SBF2: variants seen among roughly 807,000 people sequenced by gnomAD.
SBF2 encodes the protein SET binding factor 2, also known as myotubularin-related protein 13.
In SBF2, 112 loss-of-function variants were observed where a neutral mutation model predicts 225.2. That is an observed-to-expected ratio of 0.50 (90% CI 0.43 to 0.58). The LOEUF (loss-of-function observed/expected upper bound fraction) is 0.58. Among genes scored for constraint, SBF2 ranks in the 20% least tolerant of loss-of-function variants. SBF2 has a pLI of 0.00. For missense variants in SBF2, 1,996 were observed against 2,206.2 expected (o/e 0.90, Z 1.91); for synonymous variants, 763 against 773.3 (o/e 0.99, Z 0.22).
intron 1 of SBF2, among the ~76,000 whole-genome samples, chr11:10,236,496 G>A (rs1278374338): frequency 6.6e-6 from 1 of 152,102 alleles, no homozygotes; most frequent in Admixed American, 6.5e-5. Flanking sequence ...GTCTCACTCT[G>A]TTACCCAGGC....
At chr11:10,013,297 A>T (rs1948525195) in intron 6 of SBF2, among the ~76,000 whole-genome samples, 1 of 152,176 alleles carries the variant, frequency 6.6e-6, no homozygotes, top group African/African-American at 2.4e-5. Flanking sequence ...CTCCATCCCA[A>T]ATAAATTCCA....
chr11:9,786,311 G>A (rs1228694972), intron 36 of SBF2, among the ~76,000 whole-genome samples: 1 of 152,082 alleles, frequency 6.6e-6, no homozygotes, highest in Non-Finnish European at 1.5e-5. Flanking sequence ...TTTACTTCTA[G>A]GTTATAAATT....
Position 10,223,855 on chromosome 11 carries a change from C to G in SBF2, c.56-29868G>C, listed in dbSNP as rs190163729. 5.8e-4 allele frequency among the ~76,000 whole-genome samples: 89 copies of G among 152,142 alleles called. 1 individual carries two copies. The highest frequency in any genetic ancestry group is 2.0e-3 in the African/African-American group (81 of 41,506). On this transcript the variant is annotated intron_variant, in intron 1 of 39. Coordinates refer to ENST00000256190, the MANE Select transcript of SBF2 (RefSeq NM_030962.4). ...ATATGGTATTTTAAGGTATTTTAAG[C>G]AGATACTCGCAAGACTTGAGCTCAC...
chr11:9,920,942 T>C (rs1565004951), intron 16 of SBF2, among the ~76,000 whole-genome samples: 1 of 152,154 alleles, frequency 6.6e-6, no homozygotes, highest in Admixed American at 6.6e-5. Context: ...TTGCATACTT[T>C]GCCCTACTTC....
At chr11:10,253,118 C>CAAAAAAAAAA (rs546522229) in intron 1 of SBF2, among the ~76,000 whole-genome samples, 1 of 77,290 alleles carries the variant, frequency 1.3e-5, no homozygotes, top group Non-Finnish European at 2.5e-5. Context: ...AGGTAAATAC[C>CAAAAAAAAAA]AAAAAAAAAA....
At chr11:10,205,132 A>T (rs1358516775) in intron 1 of SBF2, among the ~76,000 whole-genome samples, 1 of 152,080 alleles carries the variant, frequency 6.6e-6, no homozygotes, top group Non-Finnish European at 1.5e-5. Flanking sequence ...CCTATTTAAC[A>T]AACCTACACG....
chr11:10,289,095 G>T (rs1963990651), intron 1 of SBF2, among the ~76,000 whole-genome samples: 1 of 152,222 alleles, frequency 6.6e-6, no homozygotes. Flanking sequence ...GAGGAGGCAG[G>T]GGCCCAGTGT....
chr11:10,100,586 A>G (rs1316113499), intron 2 of SBF2, among the ~76,000 whole-genome samples: 1 of 151,994 alleles, frequency 6.6e-6, no homozygotes, highest in East Asian at 1.9e-4. Context: ...GGCAGGGTAT[A>G]TGTCTGTAGC....
At chr11:10,026,048 G>C (rs1336448517) in intron 6 of SBF2, among the ~76,000 whole-genome samples, 2 of 149,380 alleles carry the variant, frequency 1.3e-5, no homozygotes, top group Admixed American at 6.6e-5. Flanking sequence ...TTTTTTTCCA[G>C]TGGGAATGCT....
At chr11:9,841,840 G>C (rs967337009) in intron 25 of SBF2, among the ~76,000 whole-genome samples, 3 of 152,172 alleles carry the variant, frequency 2.0e-5, no homozygotes, top group African/African-American at 7.2e-5. Flanking sequence ...GGCCCACATA[G>C]GTTCTTTATC....
chr11:9,998,290 A>T lies in SBF2; in HGVS notation c.951T>A (p.His317Gln). The T allele has an allele frequency of 6.3e-7, 1 of 1,598,292 alleles. No individual in the cohort carries two copies. The highest frequency in any genetic ancestry group is 2.2e-5 in the East Asian group (1 of 44,746). ...CCAAAGAAAGAGCTGATTGAGTCTG[A>T]TGTAGAAGTGGTTCTGGGAGGGAAG... ...HLSSLPEPLLHQTQSALSLIL... is the reference protein window; with the variant it reads ...HLSSLPEPLLQQTQSALSLIL... Residue 317 changes from histidine to glutamine, a missense_variant, in exon 9 of 40, where the codon CAT becomes CAA. By Grantham distance (24) the His-to-Gln change is conservative (BLOSUM62 0). Transcript: ENST00000256190.
At chr11:10,223,864 G>GC (rs1209849733) in intron 1 of SBF2, among the ~76,000 whole-genome samples, 84 of 152,128 alleles carry the variant, frequency 5.5e-4, no homozygotes, top group Admixed American at 2.6e-3. Flanking sequence ...GCAGATACTC[G>GC]CAAGACTTGA....
chr11:10,179,482 G>A (rs1334580508), intron 2 of SBF2, among the ~76,000 whole-genome samples: 4 of 152,096 alleles, frequency 2.6e-5, no homozygotes, highest in Non-Finnish European at 5.9e-5. Flanking sequence ...GTGCTGAGGA[G>A]AACATATATT....
At chr11:9,950,691 C>T (rs1865807325) in intron 16 of SBF2, among the ~76,000 whole-genome samples, 1 of 152,150 alleles carries the variant, frequency 6.6e-6, no homozygotes, top group Non-Finnish European at 1.5e-5. Context: ...CATTCTCTAA[C>T]CTAGAGATTA....
chr11:10,297,710 C>G (rs1457526919), upstream of SBF2, among the ~76,000 whole-genome samples: 1 of 152,220 alleles, frequency 6.6e-6, no homozygotes, highest in East Asian at 1.9e-4. Context: ...TCATCTGTTA[C>G]TGTCATAAGT....
At chr11:9,929,959 G>A (rs557728640) in intron 16 of SBF2, among the ~76,000 whole-genome samples, 1 of 152,218 alleles carries the variant, frequency 6.6e-6, no homozygotes, top group East Asian at 1.9e-4. Context: ...CATGGACACA[G>A]GTAGGGGAAC....
intron 28 of SBF2, among the ~76,000 whole-genome samples, chr11:9,824,731 C>G (rs360118): frequency 0.52 from 78,342 of 151,930 alleles, 22,704 homozygotes; most frequent in Non-Finnish European, 0.66. Context: ...AATACAAGAT[C>G]AGGTTGTGGG....
chr11:10,197,609 C>A (rs1016302869), intron 1 of SBF2, among the ~76,000 whole-genome samples: 1 of 152,182 alleles, frequency 6.6e-6, no homozygotes, highest in African/African-American at 2.4e-5. Context: ...AACGAGACAA[C>A]AGTGAAGTTT....
intron 26 of SBF2, chr11:9,838,148 CA>C (rs1855855911): frequency 6.6e-6 from 1 of 151,280 alleles, no homozygotes; most frequent in Admixed American, 6.6e-5. Context: ...TTAAATCTAC[CA>C]TCTTACTACT....
Sources: gnomAD v4.1 joint callset for allele counts (sites outside exome capture counted in the v4.1 genomes callset) on GRCh38, gnomAD v4.1.1 for gene constraint, MANE v1.5 for transcripts, NCBI Gene and HGNC (gene_info 2026-07-23, HGNC 2026-07-21) for gene names.